LYPD6: variants seen among roughly 807,000 people sequenced by gnomAD.
LYPD6 encodes the protein ly6/PLAUR domain-containing protein 6.
LYPD6 carries 15 observed loss-of-function variants against 22.7 expected under a neutral mutation model. The ratio of observed to expected loss-of-function variants is 0.66; its 90% CI spans 0.44 to 1.02. LYPD6 has a LOEUF of 1.02. Ranked by LOEUF, LYPD6 falls within the 50% of genes least tolerant of loss-of-function variation. The probability of loss-of-function intolerance (pLI) is 0.00; values close to 1 mark genes in which losing one functional copy is unlikely to be tolerated. For missense variants in LYPD6, 189 were observed against 208.4 expected (o/e 0.91, Z 0.57); for synonymous variants, 72 against 77.5 (o/e 0.93, Z 0.37).
In LYPD6 at chr2:149,472,343, G is replaced by A. The variant is rs958272122; in HGVS notation, c.*1493G>A. ...TGGTTTCCTCAGTGATGGTGTCCTG[G>A]AATTATTCAGGTGGTGACCATCACT... On this transcript the variant is annotated 3_prime_UTR_variant, in exon 5 of 5. Transcript: ENST00000334166. The A allele has an allele frequency of 6.6e-6, 1 of 152,360 alleles. No individual in the cohort carries two copies. Among genetic ancestry groups the A allele is most frequent in the Non-Finnish European group, 1.5e-5 (1 of 68,010 alleles). 9.4% of individuals were successfully genotyped at this position (152,360 alleles called of 1,614,324 possible).
intron 1 of LYPD6, among the ~76,000 whole-genome samples, chr2:149,416,731 C>A (rs990409505): frequency 2.0e-5 from 3 of 152,200 alleles, no homozygotes; most frequent in Admixed American, 6.5e-5. Context: ...TGCCATCTTC[C>A]TATTGGAGAC....
intron 2 of LYPD6, among the ~76,000 whole-genome samples, chr2:149,442,886 A>T (rs921841496): frequency 6.6e-6 from 1 of 152,178 alleles, no homozygotes; most frequent in African/African-American, 2.4e-5. Context: ...AAAGGTTCCT[A>T]CAAGCAAATA....
At chr2:149,357,612 A>C (rs1387002805) in intron 1 of LYPD6, among the ~76,000 whole-genome samples, 4 of 152,182 alleles carry the variant, frequency 2.6e-5, no homozygotes, top group Non-Finnish European at 5.9e-5. Flanking sequence ...TCACTACAGC[A>C]TGAACTTTAA....
chr2:149,356,163 G>A (rs1003216924), intron 1 of LYPD6, among the ~76,000 whole-genome samples: 4 of 151,302 alleles, frequency 2.6e-5, no homozygotes, highest in Admixed American at 6.6e-5. Flanking sequence ...AGGTGGGAGT[G>A]ATGTCCTCAG....
downstream of LYPD6, among the ~76,000 whole-genome samples, chr2:149,476,204 C>T (rs1298632625): frequency 6.6e-6 from 1 of 152,126 alleles, no homozygotes; most frequent in Non-Finnish European, 1.5e-5. Context: ...CCTCCTCTCC[C>T]TTTACTGTGG....
At chr2:149,335,273 TGTG>T (rs1488912452) in intron 1 of LYPD6, among the ~76,000 whole-genome samples, 2 of 152,058 alleles carry the variant, frequency 1.3e-5, no homozygotes, top group Non-Finnish European at 2.9e-5. Context: ...TGGGACAAGA[TGTG>T]GTGGTGGAAG....
At chr2:149,481,698 T>C in the LYPD6 span, among the ~76,000 whole-genome samples, 2 of 152,210 alleles carry the variant, frequency 1.3e-5, no homozygotes, top group African/African-American at 4.8e-5. Context: ...GCTAAAGCCA[T>C]ATGTTCAATG....
At chr2:149,359,720 G>C (rs919767186) in intron 1 of LYPD6, among the ~76,000 whole-genome samples, 3 of 152,134 alleles carry the variant, frequency 2.0e-5, no homozygotes, top group Admixed American at 6.6e-5. Context: ...TTAACTCCAT[G>C]AAAGGTTCTA....
intron 1 of LYPD6, among the ~76,000 whole-genome samples, chr2:149,343,228 G>A (rs111286806): frequency 2.0e-5 from 3 of 152,216 alleles, no homozygotes; most frequent in African/African-American, 7.2e-5. Flanking sequence ...GAGAAGCAGT[G>A]TACTGAATAA....
At chr2:149,478,399 TGC>T (rs398060653), downstream of LYPD6, among the ~76,000 whole-genome samples, 103,172 of 149,946 alleles carry the variant, frequency 0.69, 37,110 homozygotes, top group Non-Finnish European at 0.79. Context: ...TGTGTGTGTG[TGC>T]GCGCACGCAT....
At chr2:149,415,654 C>T (rs950454091) in intron 1 of LYPD6, among the ~76,000 whole-genome samples, 1 of 151,898 alleles carries the variant, frequency 6.6e-6, no homozygotes, top group African/African-American at 2.4e-5. Flanking sequence ...CTGGGTAGGC[C>T]TTACACTAAA....
chr2:149,371,980 C>G (rs752368822), intron 1 of LYPD6, among the ~76,000 whole-genome samples: 24 of 152,050 alleles, frequency 1.6e-4, no homozygotes, highest in Non-Finnish European at 1.9e-4. Flanking sequence ...AATTCCAAAC[C>G]CAGGGGAGAT....
chr2:149,470,624 C>G, intron 4 of LYPD6, 59 bp from the exon 5 acceptor site: 1 of 1,530,902 alleles, frequency 6.5e-7, no homozygotes, highest in Non-Finnish European at 9.0e-7. Context: ...CTTCAAAAAC[C>G]CTGCCTCCTT....
At chr2:149,366,170 AC>A (rs1681660129) in intron 1 of LYPD6, among the ~76,000 whole-genome samples, 1 of 152,032 alleles carries the variant, frequency 6.6e-6, no homozygotes, top group Non-Finnish European at 1.5e-5. Context: ...TCCACCTTTC[AC>A]CCACTGCCTG....
chr2:149,453,985 G>A (rs924704281), intron 3 of LYPD6, among the ~76,000 whole-genome samples: 1 of 152,136 alleles, frequency 6.6e-6, no homozygotes, highest in African/African-American at 2.4e-5. Context: ...ACCTTATCCA[G>A]TGTTGGCCCT....
rs1013610912 is a variant in LYPD6, at chr2:149,471,615, C to T, written c.*765C>T. 3.3e-5 allele frequency: 5 copies of T among 152,286 alleles called. No homozygotes were observed. The highest frequency in any genetic ancestry group is 1.2e-4 in the African/African-American group (5 of 41,454). 9.4% of individuals were successfully genotyped at this position (152,286 alleles called of 1,614,324 possible). ...CTTGACTTGGCACCTAATTATGCTT[C>T]ATGAGATCCTAGATTCCACCTGAGT... On this transcript the variant is annotated 3_prime_UTR_variant, in exon 5 of 5. Coordinates refer to ENST00000334166, the MANE Select transcript of LYPD6 (RefSeq NM_194317.5).
chr2:149,344,008 T>A (rs535372229), intron 1 of LYPD6, among the ~76,000 whole-genome samples: 3 of 152,230 alleles, frequency 2.0e-5, no homozygotes, highest in Non-Finnish European at 2.9e-5. Context: ...TATATAATAT[T>A]CAGTGATTCC....
chr2:149,351,392 TAAAAAAA>T (rs71397025), intron 1 of LYPD6, among the ~76,000 whole-genome samples: 4 of 83,116 alleles, frequency 4.8e-5, no homozygotes, highest in African/African-American at 1.4e-4. Context: ...AGACTCCATC[TAAAAAAA>T]AAAAAAAAAA....
downstream of LYPD6, among the ~76,000 whole-genome samples, chr2:149,477,420 C>T (rs180792944): frequency 1.2e-3 from 178 of 152,026 alleles, no homozygotes; most frequent in African/African-American, 4.1e-3. Context: ...GTCAGGAGTT[C>T]GAGACCAGCC....
Sources: allele counts gnomAD v4.1 joint callset (sites outside exome capture counted in the v4.1 genomes callset), GRCh38; gene constraint gnomAD v4.1.1; transcripts MANE v1.5; gene names NCBI Gene and HGNC (gene_info 2026-07-23, HGNC 2026-07-21).